Variants in PHACTR1 observed in about 807,000 individuals in gnomAD.
PHACTR1 encodes the protein phosphatase and actin regulator 1.
In PHACTR1, 16 loss-of-function variants were observed where a neutral mutation model predicts 69.2. That is an observed-to-expected ratio of 0.23 (90% CI 0.16 to 0.35). The LOEUF (loss-of-function observed/expected upper bound fraction) is 0.35. Among genes scored for constraint, PHACTR1 ranks in the 10% least tolerant of loss-of-function variants. The probability of loss-of-function intolerance (pLI) is 1.00; values close to 1 mark genes in which losing one functional copy is unlikely to be tolerated. For synonymous variants in PHACTR1, 312 were observed against 284.5 expected (o/e 1.10, Z -0.97); for missense variants, 510 against 734.7 (o/e 0.69, Z 3.54).
chr6:13,238,398 A>G (rs892755021), intron 10 of PHACTR1, among the ~76,000 whole-genome samples: 1 of 152,216 alleles, frequency 6.6e-6, no homozygotes, highest in African/African-American at 2.4e-5. Flanking sequence ...GATCATCTCC[A>G]TGAAACCTAG....
intron 5 of PHACTR1, among the ~76,000 whole-genome samples, chr6:13,102,047 C>G (rs1815251484): frequency 1.3e-5 from 2 of 152,174 alleles, no homozygotes; most frequent in Admixed American, 1.3e-4. Flanking sequence ...GGCTTTCCTC[C>G]CTAGCCAGAG....
chr6:13,195,779 A>AAAAAG (rs201554952), intron 7 of PHACTR1, among the ~76,000 whole-genome samples: 34 of 118,580 alleles, frequency 2.9e-4, no homozygotes, highest in African/African-American at 5.2e-4. Flanking sequence ...AAAAAAAAAA[A>AAAAAG]AGTTCATTTG....
At chr6:13,009,206 A>G (rs545425533) in intron 4 of PHACTR1, among the ~76,000 whole-genome samples, 1 of 152,266 alleles carries the variant, frequency 6.6e-6, no homozygotes, top group East Asian at 1.9e-4. Context: ...AAGATCCTTA[A>G]CTTAATTAAA....
chr6:12,848,684 T>C (rs1182231448), intron 4 of PHACTR1, among the ~76,000 whole-genome samples: 4 of 152,306 alleles, frequency 2.6e-5, no homozygotes, highest in Admixed American at 1.3e-4. Context: ...AAATAAGACT[T>C]GGGAACTTGA....
chr6:13,096,182 C>T (rs1262677593), intron 5 of PHACTR1, among the ~76,000 whole-genome samples: 1 of 152,040 alleles, frequency 6.6e-6, no homozygotes, highest in Non-Finnish European at 1.5e-5. Flanking sequence ...CTTTTTTAAA[C>T]AACAGACTTT....
chr6:13,285,347 C>G (rs1162536075), intron 13 of PHACTR1, among the ~76,000 whole-genome samples: 1 of 152,190 alleles, frequency 6.6e-6, no homozygotes, highest in Non-Finnish European at 1.5e-5. Context: ...ACTTTTCTCT[C>G]CTCAAACTCC....
chr6:12,920,057 A>G (rs1456894229), intron 4 of PHACTR1, among the ~76,000 whole-genome samples: 1 of 152,240 alleles, frequency 6.6e-6, no homozygotes, highest in Non-Finnish European at 1.5e-5. Context: ...AGAGAAACTA[A>G]TATGTAAATA....
intron 4 of PHACTR1, among the ~76,000 whole-genome samples, chr6:12,827,889 G>C (rs948104135): frequency 6.6e-6 from 1 of 151,574 alleles, no homozygotes; most frequent in Non-Finnish European, 1.5e-5. Flanking sequence ...GTGAGGGGGG[G>C]TGAAGCTTGC....
intron 4 of PHACTR1, among the ~76,000 whole-genome samples, chr6:13,040,606 C>T (rs1803985923): frequency 6.6e-6 from 1 of 152,148 alleles, no homozygotes; most frequent in African/African-American, 2.4e-5. Flanking sequence ...TGCTCTTTCA[C>T]TTACCCTCCA....
intron 4 of PHACTR1, among the ~76,000 whole-genome samples, chr6:12,896,223 A>G (rs1161481224): frequency 6.6e-6 from 1 of 152,272 alleles, no homozygotes; most frequent in Non-Finnish European, 1.5e-5. Flanking sequence ...GTTGTAATAC[A>G]GTAAACCCAT....
intron 4 of PHACTR1, among the ~76,000 whole-genome samples, chr6:13,032,656 T>C (rs1333435670): frequency 6.6e-6 from 1 of 152,156 alleles, no homozygotes; most frequent in Non-Finnish European, 1.5e-5. Context: ...CTAGCTCTGT[T>C]GCCAGGCTGG....
intron 5 of PHACTR1, among the ~76,000 whole-genome samples, chr6:13,093,448 G>A (rs1057035529): frequency 2.6e-5 from 4 of 152,046 alleles, no homozygotes; most frequent in Admixed American, 6.6e-5. Flanking sequence ...AGCCTCCCAC[G>A]GCCATCATCA....
chr6:13,194,342 G>C (rs1764045827), intron 7 of PHACTR1, among the ~76,000 whole-genome samples: 1 of 150,646 alleles, frequency 6.6e-6, no homozygotes, highest in Non-Finnish European at 1.5e-5. Flanking sequence ...GGTGGAGGTT[G>C]CAGTGAGCCA....
intron 4 of PHACTR1, among the ~76,000 whole-genome samples, chr6:13,032,567 AT>A (rs1034523518): frequency 4.6e-5 from 7 of 151,756 alleles, no homozygotes; most frequent in African/African-American, 1.5e-4. Flanking sequence ...TTTATGCGAT[AT>A]TTACTTTGTC....
At chr6:12,749,617 C>A (rs1320503347) in intron 3 of PHACTR1, 27 bp from the exon 4 acceptor site, 6 of 1,563,916 alleles carry the variant, frequency 3.8e-6, no homozygotes, top group South Asian at 1.1e-5. Flanking sequence ...CTCTCTCCCT[C>A]TCCCTCCGTC....
intron 4 of PHACTR1, among the ~76,000 whole-genome samples, chr6:13,043,193 G>A (rs1158298868): frequency 2.6e-5 from 4 of 152,214 alleles, no homozygotes; most frequent in Admixed American, 1.3e-4. Flanking sequence ...TTGAGAGGCC[G>A]AGGTGGGTGG....
chr6:13,177,172 T>TAAAAAAAAAAAAAAAAAAAA lies in PHACTR1; in HGVS notation c.497-5335_497-5316dup, dbSNP rs530741132. 1.6e-4 allele frequency among the ~76,000 whole-genome samples: 10 copies of TAAAAAAAAAAAAAAAAAAAA among 63,364 alleles called. 1 individual carries two copies. Among genetic ancestry groups the TAAAAAAAAAAAAAAAAAAAA allele is most frequent in the African/African-American group, 1.0e-3 (10 of 9,784 alleles). The allele number at this position is 63,364 out of a possible 152,430, so 41.6% of individuals were successfully genotyped here. On this transcript the variant is annotated intron_variant, in intron 6 of 14. Transcript: ENST00000332995. Reference sequence around the variant, plus strand: ...TGGCAAAATAGCAAGACCCCATCTCTAAAAAAAAAAAAAAAAAAAAAAAAA... The same window carrying TAAAAAAAAAAAAAAAAAAAA: ...TGGCAAAATAGCAAGACCCCATCTCTAAAAAAAAAAAAAAAAAAAAAAAAAAAAAAAAAAAAAAAAAAAAA...
chr6:12,777,238 TA>T (rs58690534), intron 4 of PHACTR1, among the ~76,000 whole-genome samples: 16,566 of 133,244 alleles, frequency 0.12, 1,852 homozygotes, highest in African/African-American at 0.31. Context: ...TATATATATA[TA>T]TATTTTTTTA....
intron 3 of PHACTR1, among the ~76,000 whole-genome samples, chr6:12,729,807 G>A (rs1194099493): frequency 6.6e-6 from 1 of 152,224 alleles, no homozygotes; most frequent in Non-Finnish European, 1.5e-5. Context: ...GGAACTGACT[G>A]AGAGAATTCA....
Sources: gnomAD v4.1 joint callset for allele counts (sites outside exome capture counted in the v4.1 genomes callset) on GRCh38, gnomAD v4.1.1 for gene constraint, MANE v1.5 for transcripts, NCBI Gene and HGNC (gene_info 2026-07-23, HGNC 2026-07-21) for gene names.